Variants in SLC45A2 observed in about 807,000 individuals in gnomAD.
SLC45A2 encodes the protein solute carrier family 45 member 2.
A neutral mutation model predicts 45.5 loss-of-function variants in SLC45A2; 36 were observed. The observed-to-expected ratio is 0.79, with a 90% CI of 0.61 to 1.04. The LOEUF is 1.04. SLC45A2 is among the 50% of genes least tolerant of loss of function. The probability of loss-of-function intolerance (pLI) is 0.00; values close to 1 mark genes in which losing one functional copy is unlikely to be tolerated. For missense variants in SLC45A2, 719 were observed against 671.0 expected (o/e 1.07, Z -0.79); for synonymous variants, 306 against 269.3 (o/e 1.14, Z -1.33).
intron 3 of SLC45A2, among the ~76,000 whole-genome samples, chr5:33,955,129 C>T (rs1463140673): frequency 1.3e-5 from 2 of 152,140 alleles, no homozygotes; most frequent in Non-Finnish European, 2.9e-5. Context: ...GTCAGAGCAA[C>T]TCAAAGCACA....
intron 5 of SLC45A2, among the ~76,000 whole-genome samples, chr5:33,949,092 T>C (rs1752022039): frequency 6.6e-6 from 1 of 152,222 alleles, no homozygotes. Context: ...AGGCCATATC[T>C]TAGTACTCAG....
At chr5:33,982,534 A>T in intron 1 of SLC45A2, 122 bp from the exon 2 acceptor site, 1 of 967,104 alleles carries the variant, frequency 1.0e-6, no homozygotes, top group Non-Finnish European at 1.6e-6. Flanking sequence ...CTTTTTTCCA[A>T]ATAAAAATAG....
chr5:33,962,912 A>T lies in SLC45A2; in HGVS notation c.888+779T>A, dbSNP rs531801942. On this transcript the variant is annotated intron_variant, in intron 3 of 6. Coordinates refer to ENST00000296589, the MANE Select transcript of SLC45A2 (RefSeq NM_016180.5). ...TATATCCCTGAGGTTTTGGCATTCA[A>T]TTTTAGCTTGAAGGAAAATGCAATT... 2.8e-4 allele frequency among the ~76,000 whole-genome samples: 42 copies of T among 152,304 alleles called. No homozygotes were observed. The South Asian group carries it at 3.5e-3, about 13-fold the overall frequency.
intron 1 of SLC45A2, among the ~76,000 whole-genome samples, chr5:33,982,775 T>A (rs2112016475): frequency 6.6e-6 from 1 of 152,312 alleles, no homozygotes; most frequent in African/African-American, 2.4e-5. Flanking sequence ...ACACTTTTAA[T>A]TAGTGAAATT....
intron 2 of SLC45A2, chr5:33,971,529 C>A (rs914604684): frequency 1.5e-5 from 4 of 262,062 alleles, no homozygotes; most frequent in Non-Finnish European, 2.2e-5. Context: ...ACCTCCATCT[C>A]CCAGGCTCAG....
At chr5:33,944,964 G>T in intron 6 of SLC45A2, 92 bp from the exon 7 acceptor site, 3 of 1,182,854 alleles carry the variant, frequency 2.5e-6, no homozygotes, top group East Asian at 2.5e-5. Flanking sequence ...CAGCCAGATA[G>T]TAAATACCTT....
intron 6 of SLC45A2, 80 bp from the exon 7 acceptor site, chr5:33,944,952 AC>A: frequency 7.5e-7 from 1 of 1,337,480 alleles, no homozygotes; most frequent in Non-Finnish European, 1.0e-6. Flanking sequence ...TTTTTCTGTG[AC>A]CAGCCAGATA....
At chr5:33,955,226 G>T (rs1361201854) in intron 3 of SLC45A2, among the ~76,000 whole-genome samples, 2 of 152,150 alleles carry the variant, frequency 1.3e-5, no homozygotes, top group African/African-American at 4.8e-5. Flanking sequence ...CAGGCCAACA[G>T]TCCACAAGAA....
intron 3 of SLC45A2, among the ~76,000 whole-genome samples, chr5:33,960,592 C>T (rs1033802837): frequency 6.6e-5 from 10 of 152,004 alleles, no homozygotes; most frequent in Admixed American, 2.0e-4. Flanking sequence ...ACACAACAGA[C>T]GTTGGGGACT....
chr5:33,981,763 T>A (rs899212374), intron 2 of SLC45A2, among the ~76,000 whole-genome samples: 2 of 152,238 alleles, frequency 1.3e-5, no homozygotes, highest in African/African-American at 4.8e-5. Flanking sequence ...TGTTTTCTCT[T>A]TTTGTTTTTT....
chr5:33,955,339 A>C (rs1752243020), intron 3 of SLC45A2, among the ~76,000 whole-genome samples: 1 of 152,228 alleles, frequency 6.6e-6, no homozygotes, highest in Non-Finnish European at 1.5e-5. Flanking sequence ...ATGAGAATAC[A>C]GCTCTGCTAA....
At chr5:33,961,574 G>A (rs78704525) in intron 3 of SLC45A2, among the ~76,000 whole-genome samples, 5,844 of 152,214 alleles carry the variant, frequency 0.038, 158 homozygotes, top group Non-Finnish European at 0.059. Context: ...ACTCAGGGGC[G>A]ATCTCTTCCA....
At chr5:33,961,404 T>C (rs1440251830) in intron 3 of SLC45A2, among the ~76,000 whole-genome samples, 3 of 152,174 alleles carry the variant, frequency 2.0e-5, no homozygotes, top group African/African-American at 7.2e-5. Context: ...ATTTCTAAAG[T>C]TACAAACTCT....
rs116828782 is a variant in SLC45A2, at chr5:33,954,303, G to T, written c.1032+58C>A. The T allele has an allele frequency of 5.2e-4, 845 of 1,609,712 alleles. 9 individuals are homozygous for T. In the African/African-American group the frequency reaches 9.1e-3, roughly 17 times the overall value. On this transcript the variant is annotated intron_variant, in intron 4 of 6. Coordinates refer to ENST00000296589, the MANE Select transcript of SLC45A2 (RefSeq NM_016180.5). ...AGGATAGCCCAGAAGAACCTCAACA[G>T]GTGTTAATGGAGGAAATGATGTGTA...
At chr5:33,969,274 A>C (rs1292293415) in intron 2 of SLC45A2, among the ~76,000 whole-genome samples, 1 of 151,882 alleles carries the variant, frequency 6.6e-6, no homozygotes, top group African/African-American at 2.4e-5. Flanking sequence ...CCCAATGAAA[A>C]GAAAAAAAAA....
chr5:33,958,231 A>G (rs1017954802), intron 3 of SLC45A2, among the ~76,000 whole-genome samples: 1 of 152,194 alleles, frequency 6.6e-6, no homozygotes, highest in African/African-American at 2.4e-5. Flanking sequence ...ATTTTATGAG[A>G]TCTGGTTTAA....
intron 2 of SLC45A2, among the ~76,000 whole-genome samples, chr5:33,977,337 C>T (rs145447070): frequency 1.7e-3 from 259 of 152,294 alleles, no homozygotes; most frequent in African/African-American, 5.8e-3. Context: ...GATGAAAATT[C>T]AGGATGTATG....
intron 2 of SLC45A2, among the ~76,000 whole-genome samples, chr5:33,981,773 T>A (rs996501789): frequency 2.0e-5 from 3 of 152,240 alleles, no homozygotes; most frequent in Non-Finnish European, 4.4e-5. Flanking sequence ...TTTTGTTTTT[T>A]AAACCTGCCA....
Position 33,954,516 on chromosome 5 carries a change from C to G in SLC45A2, c.889-12G>C. 6.2e-7 allele frequency: 1 copy of G among 1,613,328 alleles called. No individual in the cohort carries two copies. Among genetic ancestry groups the G allele is most frequent in the Non-Finnish European group, 8.5e-7 (1 of 1,179,938 alleles). On this transcript the variant is annotated splice_polypyrimidine_tract_variant and intron_variant, in intron 3 of 6. Coordinates refer to ENST00000296589, the MANE Select transcript of SLC45A2 (RefSeq NM_016180.5). Reference sequence around the variant, plus strand: ...ATTGCCCTGCGAGTCTGAAATAAAACATGAAACAGAGGTGTGATCTTCACT... The same window carrying G: ...ATTGCCCTGCGAGTCTGAAATAAAAGATGAAACAGAGGTGTGATCTTCACT...
Sources: gnomAD v4.1 joint callset for allele counts (sites outside exome capture counted in the v4.1 genomes callset) on GRCh38, gnomAD v4.1.1 for gene constraint, MANE v1.5 for transcripts, NCBI Gene and HGNC (gene_info 2026-07-23, HGNC 2026-07-21) for gene names.